The following CCDC92 variants were observed in gnomAD, a reference collection of about 807,000 sequenced individuals.
The protein encoded by CCDC92 is coiled-coil domain-containing protein 92.
Under a neutral mutation model 24.9 loss-of-function variants are expected in CCDC92, and 12 were observed. That is an observed-to-expected ratio of 0.48 (90% CI 0.31 to 0.78). CCDC92 has a LOEUF of 0.78. Among genes scored for constraint, CCDC92 ranks in the 30% least tolerant of loss-of-function variants. The pLI is 0.05. For missense variants in CCDC92, 399 were observed against 439.4 expected (o/e 0.91, Z 0.82); for synonymous variants, 193 against 196.3 (o/e 0.98, Z 0.14).
chr12:123,939,804 T>TA (rs1345665569), intron 4 of CCDC92, among the ~76,000 whole-genome samples: 1 of 152,218 alleles, frequency 6.6e-6, no homozygotes, highest in Non-Finnish European at 1.5e-5. Flanking sequence ...GTAGACACTG[T>TA]AAGACCCAGG....
intron 1 of CCDC92, chr12:123,946,025 C>CACCGCCATCCAT: frequency 1.3e-5 from 2 of 156,780 alleles, no homozygotes; most frequent in Admixed American, 6.6e-5. Context: ...TGCTGGCATC[C>CACCGCCATCCAT]TGCTTTGAAA....
In CCDC92 at chr12:123,937,373, C is replaced by G. The variant is rs1955542777; in HGVS notation, c.681G>C (p.Glu227Asp). The change falls in exon 5 of 5, where the codon GAG becomes GAC. Residue 227 changes from glutamate (E) to aspartate (D), a missense_variant. By Grantham distance (45) the Glu-to-Asp change is conservative (BLOSUM62 2). Transcript: ENST00000238156. The surrounding 1 kb of genome is among the most constrained non-coding windows in gnomAD (Gnocchi z 8.4). ...GTTCCCGCAAAAGGAGTTTCCTGCT[C>G]TCTGCCCCGAATCTGTAGACCTCTT... ...EFEEVYRFGAESRKLLLREPV... is the reference protein window; with the variant it reads ...EFEEVYRFGADSRKLLLREPV... 6 of 1,613,976 alleles carry G rather than the reference C, an allele frequency of 3.7e-6. No homozygotes were observed. Among genetic ancestry groups the G allele is most frequent in the Middle Eastern group, 3.3e-4 (2 of 6,084 alleles).
chr12:123,961,466 T>A (rs1287628548), intron 1 of CCDC92, among the ~76,000 whole-genome samples: 2 of 152,210 alleles, frequency 1.3e-5, no homozygotes, highest in Non-Finnish European at 2.9e-5. Context: ...TTAAACTATC[T>A]GATATGGAAA....
chr12:123,947,927 T>G (rs1955921687), intron 1 of CCDC92, among the ~76,000 whole-genome samples: 1 of 152,188 alleles, frequency 6.6e-6, no homozygotes, highest in Admixed American at 6.5e-5. Flanking sequence ...GGTCTGCAGC[T>G]TCACTCCTGA....
chr12:123,936,914 A>G lies in CCDC92; in HGVS notation c.*144T>C. On this transcript the variant is annotated 3_prime_UTR_variant, in exon 5 of 5. Transcript: ENST00000238156. ...ACACGATCATATTTTGGTGTGAAGA[A>G]GAGGGCAAGAGAAGCAGAAGGAGAA... 1.2e-6 allele frequency: 1 copy of G among 867,076 alleles called. No homozygotes were observed. Among genetic ancestry groups the G allele is most frequent in the East Asian group, 2.6e-5 (1 of 39,096 alleles). The allele number at this position is 867,076 out of a possible 1,614,324, so 53.7% of individuals were successfully genotyped here.
At chr12:123,952,356 G>A (rs1956047317) in intron 1 of CCDC92, among the ~76,000 whole-genome samples, 1 of 152,194 alleles carries the variant, frequency 6.6e-6, no homozygotes, top group African/African-American at 2.4e-5. Context: ...ATTTTCACTG[G>A]AGAAGAGCCA....
chr12:123,950,094 A>G (rs1463452278), intron 1 of CCDC92, among the ~76,000 whole-genome samples: 1 of 152,238 alleles, frequency 6.6e-6, no homozygotes, highest in Non-Finnish European at 1.5e-5. Context: ...GAGAGAACAT[A>G]AACCAATAAA....
In CCDC92 at chr12:123,937,754, G is replaced by A. The variant is rs147257055; in HGVS notation, c.300C>T (p.Asn100=). The change falls in exon 5 of 5, where the codon AAC becomes AAT. Residue 100 remains asparagine, a synonymous_variant. Transcript: ENST00000238156. The surrounding 1 kb of genome is among the most constrained non-coding windows in gnomAD (Gnocchi z 8.4). ...ELEAQLKVKE[N]ENAELLKELE... ...GTTCTTTCAACAACTCAGCATTTTCGTTCTCTTTCACTTTCAGTTGGGCTT... is the reference window on the plus strand; with the variant it reads ...GTTCTTTCAACAACTCAGCATTTTCATTCTCTTTCACTTTCAGTTGGGCTT... The A allele has an allele frequency of 2.7e-4, 436 of 1,613,834 alleles. 3 individuals carry two copies. Among genetic ancestry groups the A allele is most frequent in the Middle Eastern group, 1.6e-3 (10 of 6,084 alleles).
At chr12:123,968,584 A>C (rs1956447050) in intron 1 of CCDC92, 3 of 152,370 alleles carry the variant, frequency 2.0e-5, no homozygotes, top group Non-Finnish European at 4.4e-5. Flanking sequence ...ATACAGCATA[A>C]ATAAATGGTA....
intron 1 of CCDC92, among the ~76,000 whole-genome samples, chr12:123,960,195 C>T (rs543518361): frequency 7.2e-5 from 11 of 152,082 alleles, no homozygotes; most frequent in African/African-American, 2.6e-4. Flanking sequence ...GAAACCTGGG[C>T]TGGCCCTTTA....
At position 123,935,922 on chromosome 12, in the gene CCDC92, C is replaced by T. The variant is rs1457804866; in HGVS notation, c.*1136G>A. The stretch of plus-strand genomic sequence containing the variant: ...GGCACAGAGCAGAAGTGACCAGTCA[C>T]CTGGAGCCACTTCTCCCCCTTCCAG... On this transcript the variant is annotated 3_prime_UTR_variant, in exon 5 of 5. Coordinates refer to ENST00000238156, the MANE Select transcript of CCDC92 (RefSeq NM_025140.3). 6.5e-6 allele frequency: 1 copy of T among 154,968 alleles called. No individual in the cohort carries two copies. Among genetic ancestry groups the T allele is most frequent in the Non-Finnish European group, 1.4e-5 (1 of 69,950 alleles). 9.6% of individuals were successfully genotyped at this position (154,968 alleles called of 1,614,324 possible).
intron 1 of CCDC92, among the ~76,000 whole-genome samples, chr12:123,952,589 T>C (rs1282234142): frequency 6.6e-6 from 1 of 152,242 alleles, no homozygotes; most frequent in Non-Finnish European, 1.5e-5. Context: ...ATGAACTGGA[T>C]AAATAGTTTT....
At chr12:123,959,389 C>T (rs750876935) in intron 1 of CCDC92, among the ~76,000 whole-genome samples, 13 of 151,956 alleles carry the variant, frequency 8.6e-5, no homozygotes, top group East Asian at 1.9e-4. Context: ...ATCGCAACCT[C>T]GACCTCCTGG....
chr12:123,940,369 CTCA>C (rs1955647239), intron 4 of CCDC92, among the ~76,000 whole-genome samples: 1 of 152,200 alleles, frequency 6.6e-6, no homozygotes, highest in Non-Finnish European at 1.5e-5. Context: ...AGACATCCTC[CTCA>C]TCATCCTTCC....
At position 123,972,676 on chromosome 12, in the gene CCDC92, C is replaced by T. The variant is rs192451380; in HGVS notation, c.-207G>A. The T allele has an allele frequency of 0.04, 5,947 of 147,596 alleles. 185 individuals carry two copies. Among genetic ancestry groups the T allele is most frequent in the Non-Finnish European group, 0.058 (3,867 of 66,220 alleles). The allele number at this position is 147,596 out of a possible 1,614,324, so 9.1% of individuals were successfully genotyped here. The stretch of plus-strand genomic sequence containing the variant: ...GGCTCGGGCGCTGCCCGGGCCGGGC[C>T]GCCGAGGGAGGTCAGTGGGCACCGC... On this transcript the variant is annotated 5_prime_UTR_variant, in exon 1 of 5. Transcript: ENST00000238156.
chr12:123,950,031 C>T (rs1955985340), intron 1 of CCDC92, among the ~76,000 whole-genome samples: 1 of 152,246 alleles, frequency 6.6e-6, no homozygotes, highest in Admixed American at 6.5e-5. Flanking sequence ...TTACTTACAT[C>T]ATTTGCTCTT....
At chr12:123,940,489 G>A (rs186911823) in intron 4 of CCDC92, among the ~76,000 whole-genome samples, 430 of 152,288 alleles carry the variant, frequency 2.8e-3, no homozygotes, top group African/African-American at 9.6e-3. Context: ...GGAAGGAGCT[G>A]GTACGACTGC....
At chr12:123,948,858 A>C (rs1955950517) in intron 1 of CCDC92, among the ~76,000 whole-genome samples, 1 of 152,208 alleles carries the variant, frequency 6.6e-6, no homozygotes, top group Non-Finnish European at 1.5e-5. Context: ...CACGGCTGAA[A>C]AGACAGTGGT....
chr12:123,972,805 C>G lies in CCDC92; in HGVS notation c.-336G>C. On this transcript the variant is annotated 5_prime_UTR_variant, in exon 1 of 5. Coordinates refer to ENST00000238156, the MANE Select transcript of CCDC92 (RefSeq NM_025140.3). ...GGCCGCGCTGACCCGGCGGGCTAGG[C>G]GCCGGCGCGGCGGCGGGCCTGTGTC... 7.0e-6 allele frequency: 1 copy of G among 143,822 alleles called. No homozygotes were observed. Among genetic ancestry groups the G allele is most frequent in the South Asian group, 2.1e-4 (1 of 4,724 alleles). The allele number at this position is 143,822 out of a possible 1,614,324, so 8.9% of individuals were successfully genotyped here.
Sources: gnomAD v4.1 joint callset for allele counts (sites outside exome capture counted in the v4.1 genomes callset) on GRCh38, gnomAD v4.1.1 for gene constraint, Gnocchi (gnomAD v3.1) non-coding constraint, MANE v1.5 for transcripts, NCBI Gene and HGNC (gene_info 2026-07-23, HGNC 2026-07-21) for gene names.